Variants in BSPRY observed in about 807,000 individuals in gnomAD.
The protein encoded by BSPRY is B-box and SPRY domain containing.
In BSPRY, 33 loss-of-function variants were observed where a neutral mutation model predicts 38.0. The observed-to-expected ratio is 0.87, with a 90% CI of 0.66 to 1.16. The LOEUF (loss-of-function observed/expected upper bound fraction) is 1.16. BSPRY is among the 50% of genes most tolerant of loss of function. BSPRY has a pLI of 0.00. For missense variants in BSPRY, 523 were observed against 533.2 expected (o/e 0.98, Z 0.19); for synonymous variants, 224 against 228.5 (o/e 0.98, Z 0.18).
intron 1 of BSPRY, among the ~76,000 whole-genome samples, chr9:113,352,590 G>A (rs746263819): frequency 1.3e-5 from 2 of 152,310 alleles, no homozygotes; most frequent in Middle Eastern, 6.8e-3. Context: ...AGGCCAGCAT[G>A]GATAGAGGTA....
At chr9:113,352,110 C>G (rs533998610) in intron 1 of BSPRY, among the ~76,000 whole-genome samples, 1 of 152,196 alleles carries the variant, frequency 6.6e-6, no homozygotes, top group African/African-American at 2.4e-5. Context: ...CGTGCCCGGC[C>G]AGCTTTCCCA....
At chr9:113,355,158 C>G (rs370860780) in intron 2 of BSPRY, among the ~76,000 whole-genome samples, 2 of 152,184 alleles carry the variant, frequency 1.3e-5, no homozygotes, top group African/African-American at 4.8e-5. Context: ...TGCCTGGCCT[C>G]CACTGCAGAT....
At chr9:113,355,759 C>T (rs10119792) in intron 2 of BSPRY, among the ~76,000 whole-genome samples, 24,840 of 151,726 alleles carry the variant, frequency 0.16, 4,119 homozygotes, top group African/African-American at 0.42. Flanking sequence ...GGATTACAAG[C>T]GCCCACCACG....
chr9:113,358,510 C>T (rs1319780669), intron 2 of BSPRY, among the ~76,000 whole-genome samples: 1 of 152,042 alleles, frequency 6.6e-6, no homozygotes, highest in African/African-American at 2.4e-5. Flanking sequence ...TTGGGTGATC[C>T]ACCTGCCTCA....
rs567328526 is a variant in BSPRY, at chr9:113,349,857, G to A, written c.201+77G>A. 3.3e-6 allele frequency: 4 copies of A among 1,199,090 alleles called. No homozygotes were observed. The African/African-American group carries it at 6.3e-5, about 19-fold the overall frequency. The allele number at this position is 1,199,090 out of a possible 1,614,324, so 74.3% of individuals were successfully genotyped here. On this transcript the variant is annotated intron_variant, in intron 1 of 5. Transcript: ENST00000374183. ...CCTGGCGGGACCCGGCAGGGACTGG[G>A]GAGCCTGGGGCTGGGCGGACTCGAC...
chr9:113,353,434 G>A (rs1220803000), intron 1 of BSPRY, among the ~76,000 whole-genome samples: 1 of 152,258 alleles, frequency 6.6e-6, no homozygotes, highest in South Asian at 2.1e-4. Flanking sequence ...TGGGTGCGGT[G>A]GCTCACACCT....
chr9:113,349,805 G>A (rs1452000806), intron 1 of BSPRY, 25 bp downstream of exon 1: 40 of 1,222,394 alleles, frequency 3.3e-5, no homozygotes, highest in Non-Finnish European at 4.1e-5. Context: ...GCGCCGGAAG[G>A]CGAGGGCTCC....
intron 3 of BSPRY, among the ~76,000 whole-genome samples, chr9:113,361,450 C>T (rs1588065644): frequency 6.6e-6 from 1 of 152,218 alleles, no homozygotes; most frequent in African/African-American, 2.4e-5. Flanking sequence ...CGAGATGCAG[C>T]TGTCAGCTGC....
Position 113,360,502 on chromosome 9 carries a change from A to G in BSPRY, c.301-5A>G. On this transcript the variant is annotated splice_polypyrimidine_tract_variant and splice_region_variant and intron_variant, in intron 2 of 5. Coordinates refer to ENST00000374183, the MANE Select transcript of BSPRY (RefSeq NM_017688.3). ...CACCCAACTCCTCATTTTATCCCTC[A>G]TTAGAGCATGGCCAGTGCAGCGAGG... 2 of 1,586,066 alleles carry G rather than the reference A, an allele frequency of 1.3e-6. No individual in the cohort carries two copies. The highest frequency in any genetic ancestry group is 2.3e-5 in the East Asian group (1 of 44,214).
At chr9:113,352,708 T>G (rs1833991537) in intron 1 of BSPRY, among the ~76,000 whole-genome samples, 1 of 152,118 alleles carries the variant, frequency 6.6e-6, no homozygotes, top group Non-Finnish European at 1.5e-5. Context: ...TGGAGGGTTT[T>G]GAGTAGGGGC....
intron 5 of BSPRY, among the ~76,000 whole-genome samples, chr9:113,369,083 A>G (rs900698314): frequency 6.6e-6 from 1 of 152,086 alleles, no homozygotes; most frequent in African/African-American, 2.4e-5. Context: ...TCTGGTATCA[A>G]ATGATGCCTG....
intron 4 of BSPRY, among the ~76,000 whole-genome samples, chr9:113,365,750 AGTGT>A (rs3983380): frequency 0.031 from 4,607 of 147,188 alleles, 246 homozygotes; most frequent in African/African-American, 0.1. Context: ...AGAGAGAGAG[AGTGT>A]GTGTGTGTGT....
chr9:113,369,582 G>A (rs1292664898), intron 5 of BSPRY, 34 bp from the exon 6 acceptor site: 1 of 1,571,934 alleles, frequency 6.4e-7, no homozygotes, highest in South Asian at 1.2e-5. Flanking sequence ...GGCAGGGGTG[G>A]GCCCTCGGCA....
chr9:113,368,263 G>T lies in BSPRY; in HGVS notation c.562G>T (p.Glu188Ter). 6.2e-7 allele frequency: 1 copy of T among 1,614,034 alleles called. No homozygotes were observed. The highest frequency in any genetic ancestry group is 8.5e-7 in the Non-Finnish European group (1 of 1,179,946). Residue 188 changes from glutamate to a stop codon, truncating the protein, a stop_gained, in exon 5 of 6, where the codon GAA (glutamate) becomes TAA (stop). Coordinates refer to ENST00000374183, the MANE Select transcript of BSPRY (RefSeq NM_017688.3). LOFTEE classifies it high-confidence loss of function. Reference sequence around the variant, plus strand: ...CTCTGTTTTTCCCCATATAAGGACCGAAGAAGCAGAGGGCATTTTGGATCC... The same window carrying T: ...CTCTGTTTTTCCCCATATAAGGACCTAAGAAGCAGAGGGCATTTTGGATCC... The part of the protein sequence containing the change: ...QKEQEIFERT[E>*]EAEGILDPQE...
At chr9:113,359,044 A>G (rs886816585) in intron 2 of BSPRY, among the ~76,000 whole-genome samples, 2 of 74,060 alleles carry the variant, frequency 2.7e-5, no homozygotes, top group African/African-American at 1.7e-4. Context: ...AAAAGAAAAG[A>G]AAAGAAAAAA....
chr9:113,366,692 T>A (rs1834259330), intron 4 of BSPRY, among the ~76,000 whole-genome samples: 1 of 152,192 alleles, frequency 6.6e-6, no homozygotes, highest in South Asian at 2.1e-4. Context: ...TCCTCTTTCT[T>A]CCCCACCTGT....
intron 4 of BSPRY, among the ~76,000 whole-genome samples, chr9:113,367,888 T>G (rs1834276825): frequency 1.3e-5 from 2 of 151,244 alleles, no homozygotes; most frequent in African/African-American, 4.9e-5. Flanking sequence ...TGGAGTGCAG[T>G]GGCATGATCT....
intron 1 of BSPRY, among the ~76,000 whole-genome samples, chr9:113,352,259 T>C (rs576131775): frequency 2.6e-5 from 4 of 152,362 alleles, no homozygotes; most frequent in African/African-American, 9.6e-5. Context: ...TCAGAAACTC[T>C]CTTTGAGGTA....
chr9:113,349,877 C>T (rs1333868375), intron 1 of BSPRY, 97 bp downstream of exon 1: 7 of 1,184,532 alleles, frequency 5.9e-6, no homozygotes, highest in Non-Finnish European at 6.3e-6. Context: ...GCTGGGCGGA[C>T]TCGACACCCG....
Sources: gnomAD v4.1 joint callset for allele counts (sites outside exome capture counted in the v4.1 genomes callset) on GRCh38, gnomAD v4.1.1 for gene constraint, MANE v1.5 for transcripts, NCBI Gene and HGNC (gene_info 2026-07-23, HGNC 2026-07-21) for gene names.